The following ARHGAP39 variants were observed in gnomAD, a reference collection of about 807,000 sequenced individuals.
The protein encoded by ARHGAP39 is Rho GTPase activating protein 39.
Under a neutral mutation model 106.9 loss-of-function variants are expected in ARHGAP39, and 44 were observed. The ratio of observed to expected loss-of-function variants is 0.41; its 90% CI spans 0.32 to 0.53. ARHGAP39 has a LOEUF of 0.53. Among genes scored for constraint, ARHGAP39 ranks in the 20% least tolerant of loss-of-function variants. The pLI is 0.21. For missense variants in ARHGAP39, 1,496 were observed against 1,577.3 expected (o/e 0.95, Z 0.87); for synonymous variants, 768 against 693.2 (o/e 1.11, Z -1.69).
In ARHGAP39 at chr8:144,545,478, C is replaced by A; in HGVS notation, c.2292G>T (p.Leu764=). The A allele has an allele frequency of 6.3e-7, 1 of 1,599,988 alleles. No homozygotes were observed. The highest frequency in any genetic ancestry group is 8.5e-7 in the Non-Finnish European group (1 of 1,169,922). The change falls in exon 6 of 12, where the codon CTG becomes CTT. Residue 764 remains leucine, a synonymous_variant. Transcript: ENST00000377307. ...TGGTGGCCACCTCCAGGGCCACGTG[C>A]AGTGGGTCGGCCTTGGCCCGCCGGT... ...MGDRRAKADP[L]HVALEVATKG...
chr8:144,650,580 G>A (rs892436736), intron 1 of ARHGAP39, among the ~76,000 whole-genome samples: 9 of 152,146 alleles, frequency 5.9e-5, no homozygotes, highest in South Asian at 2.1e-4. Context: ...CTTCATCCCC[G>A]GGATATAAGG....
chr8:144,600,703 C>A (rs1489433462), intron 2 of ARHGAP39, among the ~76,000 whole-genome samples: 2 of 139,706 alleles, frequency 1.4e-5, no homozygotes, highest in Non-Finnish European at 3.1e-5. Flanking sequence ...TGGAGACGTG[C>A]GTGTGCACTT....
intron 1 of ARHGAP39, among the ~76,000 whole-genome samples, chr8:144,665,051 C>T (rs1019992329): frequency 5.3e-5 from 8 of 152,214 alleles, no homozygotes; most frequent in Middle Eastern, 3.4e-3. Flanking sequence ...GATAGTGATA[C>T]GAATAAGGTC....
chr8:144,546,575 G>A (rs1371821703), intron 5 of ARHGAP39, among the ~76,000 whole-genome samples: 1 of 152,246 alleles, frequency 6.6e-6, no homozygotes, highest in Non-Finnish European at 1.5e-5. Flanking sequence ...GGACAGAGGT[G>A]CACGTGGCCT....
At chr8:144,610,833 T>C (rs1458154368) in intron 1 of ARHGAP39, among the ~76,000 whole-genome samples, 1 of 152,168 alleles carries the variant, frequency 6.6e-6, no homozygotes, top group Non-Finnish European at 1.5e-5. Context: ...TCAAAGAGTT[T>C]TGAGATGGAG....
Position 144,548,476 on chromosome 8 carries a change from G to T in ARHGAP39, c.610C>A (p.Arg204=), listed in dbSNP as rs1395096734. 1 of 1,609,426 alleles carries T rather than the reference G, an allele frequency of 6.2e-7. No homozygotes were observed. Among genetic ancestry groups the T allele is most frequent in the Non-Finnish European group, 8.5e-7 (1 of 1,179,386 alleles). The change falls in exon 5 of 12, where the codon CGG becomes AGG. Residue 204 remains arginine (R), a synonymous_variant. Transcript: ENST00000377307. This position sits in a 1 kb window ranked among gnomAD's most constrained non-coding sequence, Gnocchi z 7.4. Reference sequence around the variant, plus strand: ...CGCTCTTTGGCGCCCGAGTTCCACCGCAGCGAGGAGGTCCTGCGTGGGGGG... The same window carrying T: ...CGCTCTTTGGCGCCCGAGTTCCACCTCAGCGAGGAGGTCCTGCGTGGGGGG... ...QLLHYRTSSL[R]WNSGAKERML...
In ARHGAP39 at chr8:144,530,527, C is replaced by T; in HGVS notation, c.3240G>A (p.Gln1080=). ...CGAAGATGACGCGCGGGTCGTCGGA[C>T]TGGCAGCGCAAGCAGTTGGGCGCCA... ...MVMAPNCLRC[Q]SDDPRVIFEN... is the part of the protein sequence containing the mutation. Residue 1080 remains glutamine, a synonymous_variant, in exon 12 of 12, where the codon CAG becomes CAA. Coordinates refer to ENST00000377307, the MANE Select transcript of ARHGAP39 (RefSeq NM_025251.3). 1.2e-6 allele frequency: 2 copies of T among 1,611,968 alleles called. No homozygotes were observed. Among genetic ancestry groups the T allele is most frequent in the Admixed American group, 3.3e-5 (2 of 59,984 alleles).
At chr8:144,598,902 T>C (rs548987663) in intron 2 of ARHGAP39, among the ~76,000 whole-genome samples, 2 of 152,262 alleles carry the variant, frequency 1.3e-5, no homozygotes, top group East Asian at 3.9e-4. Context: ...AATATATAAA[T>C]TTGAGCATGA....
rs1236525495 is a variant in ARHGAP39, at chr8:144,646,127, G to C, written c.-82+39559C>G. On this transcript the variant is annotated intron_variant, in intron 1 of 11. Coordinates refer to ENST00000377307, the MANE Select transcript of ARHGAP39 (RefSeq NM_025251.3). The surrounding 1 kb of genome is among the most constrained non-coding windows in gnomAD (Gnocchi z 5.7). Reference sequence around the variant, plus strand: ...GTGGCACCAAATGTCCGCCAGCAAGGACGGACACATCGCAAGCTTGGAGCC... The same window carrying C: ...GTGGCACCAAATGTCCGCCAGCAAGCACGGACACATCGCAAGCTTGGAGCC... Among the ~76,000 whole-genome samples the C allele has an allele frequency of 6.6e-6, 1 of 152,248 alleles. No individual in the cohort carries two copies. The highest frequency in any genetic ancestry group is 1.5e-5 in the Non-Finnish European group (1 of 68,054).
At chr8:144,694,342 G>A in the ARHGAP39 span, among the ~76,000 whole-genome samples, 8 of 152,132 alleles carry the variant, frequency 5.3e-5, no homozygotes, top group South Asian at 2.1e-4. Context: ...GGTAATGAAC[G>A]TTCACTGTTT....
intron 1 of ARHGAP39, among the ~76,000 whole-genome samples, chr8:144,672,174 C>G (rs1435678146): frequency 6.6e-6 from 1 of 152,226 alleles, no homozygotes; most frequent in African/African-American, 2.4e-5. Flanking sequence ...GAAACAGCAC[C>G]TAGAGTTTCA....
intron 1 of ARHGAP39, among the ~76,000 whole-genome samples, chr8:144,623,229 GAAGAAA>G (rs1183210960): frequency 6.6e-6 from 1 of 152,114 alleles, no homozygotes; most frequent in Non-Finnish European, 1.5e-5. Context: ...ACCCAGTAGA[GAAGAAA>G]AAGAAACAAA....
chr8:144,537,886 T>C lies in ARHGAP39; in HGVS notation c.2522-73A>G. 2.1e-6 allele frequency: 3 copies of C among 1,397,674 alleles called. No homozygotes were observed. In the South Asian group the frequency reaches 3.5e-5, roughly 16 times the overall value. 86.6% of individuals were successfully genotyped at this position (1,397,674 alleles called of 1,614,324 possible). Reference sequence around the variant, plus strand: ...GCCAGCGCCCACTCAGCTCCCGCACTTGGCTGGTGAGCAGGCCCCTGGGCC... The same window carrying C: ...GCCAGCGCCCACTCAGCTCCCGCACCTGGCTGGTGAGCAGGCCCCTGGGCC... On this transcript the variant is annotated intron_variant, in intron 6 of 11. Transcript: ENST00000377307.
chr8:144,567,177 T>C (rs971578301), intron 3 of ARHGAP39, among the ~76,000 whole-genome samples: 9 of 152,226 alleles, frequency 5.9e-5, no homozygotes, highest in African/African-American at 2.2e-4. Context: ...GATATGATTA[T>C]ATATGAATAT....
Position 144,591,674 on chromosome 8 carries a change from G to A in ARHGAP39, c.81-10397C>T, listed in dbSNP as rs540822576. On this transcript the variant is annotated intron_variant, in intron 2 of 11. Transcript: ENST00000377307. The surrounding 1 kb of genome is among the most constrained non-coding windows in gnomAD (Gnocchi z 5.3). ...GAGGCGAGGAAGGGCAAGGTTTTCGGCCTGAGCACCTGGAGGGCGGGGCTG... is the reference window on the plus strand; with the variant it reads ...GAGGCGAGGAAGGGCAAGGTTTTCGACCTGAGCACCTGGAGGGCGGGGCTG... Among the ~76,000 whole-genome samples the A allele has an allele frequency of 1.3e-5, 2 of 152,208 alleles. No homozygotes were observed. The highest frequency in any genetic ancestry group is 2.9e-5 in the Non-Finnish European group (2 of 68,026).
At chr8:144,590,194 C>T (rs550420929) in intron 2 of ARHGAP39, among the ~76,000 whole-genome samples, 4 of 152,244 alleles carry the variant, frequency 2.6e-5, no homozygotes, top group East Asian at 3.9e-4. Flanking sequence ...GGGCCATCTC[C>T]GGAAGATGCC....
intron 1 of ARHGAP39, among the ~76,000 whole-genome samples, chr8:144,660,472 A>G (rs1821794996): frequency 6.6e-6 from 1 of 152,198 alleles, no homozygotes; most frequent in Non-Finnish European, 1.5e-5. Flanking sequence ...CATTCCTTGG[A>G]ACTGCACTGT....
At chr8:144,564,753 G>A (rs1586911698) in intron 3 of ARHGAP39, among the ~76,000 whole-genome samples, 1 of 151,826 alleles carries the variant, frequency 6.6e-6, no homozygotes, top group Admixed American at 6.6e-5. Context: ...GGCTGAGGCA[G>A]GAGGACCACT....
intron 1 of ARHGAP39, among the ~76,000 whole-genome samples, chr8:144,615,342 C>T (rs967245985): frequency 6.6e-6 from 1 of 151,596 alleles, no homozygotes; most frequent in Non-Finnish European, 1.5e-5. Context: ...AAAAAAAAAA[C>T]AAGTCTGTAT....
Sources: allele counts gnomAD v4.1 joint callset (sites outside exome capture counted in the v4.1 genomes callset), GRCh38; gene constraint gnomAD v4.1.1; non-coding constraint Gnocchi (gnomAD v3.1); transcripts MANE v1.5; gene names NCBI Gene and HGNC (gene_info 2026-07-23, HGNC 2026-07-21).